IRAK3: variants seen among roughly 807,000 people sequenced by gnomAD.
IRAK3 encodes the protein interleukin-1 receptor-associated kinase 3.
In IRAK3, 57 loss-of-function variants were observed where a neutral mutation model predicts 56.6. The ratio of observed to expected loss-of-function variants is 1.01; its 90% CI spans 0.81 to 1.26. The LOEUF is 1.26. Among genes scored for constraint, IRAK3 ranks in the 50% most tolerant of loss-of-function variants. The pLI is 0.00. For missense variants in IRAK3, 703 were observed against 719.0 expected (o/e 0.98, Z 0.25); for synonymous variants, 258 against 255.7 (o/e 1.01, Z -0.09).
chr12:66,243,912 A>G (rs1377232459), intron 8 of IRAK3, among the ~76,000 whole-genome samples: 1 of 152,180 alleles, frequency 6.6e-6, no homozygotes, highest in Non-Finnish European at 1.5e-5. Flanking sequence ...GCTTATATTG[A>G]CTATAAGCAC....
intron 8 of IRAK3, among the ~76,000 whole-genome samples, chr12:66,229,775 C>A (rs1287505643): frequency 6.6e-6 from 1 of 152,148 alleles, no homozygotes; most frequent in African/African-American, 2.4e-5. Flanking sequence ...TAAAACAATC[C>A]CTCCTCCACT....
At chr12:66,206,884 T>C (rs942841237) in intron 2 of IRAK3, among the ~76,000 whole-genome samples, 1 of 152,236 alleles carries the variant, frequency 6.6e-6, no homozygotes, top group Non-Finnish European at 1.5e-5. Context: ...CTCAATCTCT[T>C]GTTATGAGTC....
At chr12:66,223,052 G>A (rs904142474) in intron 6 of IRAK3, among the ~76,000 whole-genome samples, 1 of 151,818 alleles carries the variant, frequency 6.6e-6, no homozygotes, top group African/African-American at 2.4e-5. Context: ...GTCACAAGGT[G>A]CTCAGTGGGG....
intron 2 of IRAK3, among the ~76,000 whole-genome samples, chr12:66,208,926 G>A (rs2052584853): frequency 6.6e-6 from 1 of 151,788 alleles, no homozygotes; most frequent in Non-Finnish European, 1.5e-5. Flanking sequence ...AATTAGCCAG[G>A]CATGCTGATA....
At chr12:66,219,246 A>C (rs980327333) in intron 6 of IRAK3, among the ~76,000 whole-genome samples, 6 of 152,028 alleles carry the variant, frequency 3.9e-5, no homozygotes, top group Non-Finnish European at 8.8e-5. Context: ...TCCCCACCCA[A>C]ATCTCATCCT....
chr12:66,234,131 T>G (rs1384484189), intron 8 of IRAK3: 12 of 1,614,106 alleles, frequency 7.4e-6, no homozygotes, highest in African/African-American at 2.7e-5. Flanking sequence ...GACAGCCACC[T>G]GCTGTTGACC....
At position 66,254,583 on chromosome 12, in the gene IRAK3, C is replaced by T. The variant is rs1205746750; in HGVS notation, c.*6412C>T. On this transcript the variant is annotated 3_prime_UTR_variant, in exon 12 of 12. Coordinates refer to ENST00000261233, the MANE Select transcript of IRAK3 (RefSeq NM_007199.3). ...GAAACTTTTTATAATGAACATATATCATTTTTATTAGAAAAGAATAAAGTT... is the reference window on the plus strand; with the variant it reads ...GAAACTTTTTATAATGAACATATATTATTTTTATTAGAAAAGAATAAAGTT... The T allele has an allele frequency of 1.3e-5, 2 of 150,448 alleles. No individual in the cohort carries two copies. Among genetic ancestry groups the T allele is most frequent in the African/African-American group, 4.9e-5 (2 of 40,994 alleles). The allele number at this position is 150,448 out of a possible 1,614,324, so 9.3% of individuals were successfully genotyped here.
intron 8 of IRAK3, chr12:66,234,474 G>A (rs1238947845): frequency 6.2e-7 from 1 of 1,611,370 alleles, no homozygotes; most frequent in East Asian, 2.2e-5. Context: ...ATACTGTATG[G>A]TGAAGGATAA....
chr12:66,202,871 A>G (rs1231870488), intron 1 of IRAK3, among the ~76,000 whole-genome samples: 6 of 152,024 alleles, frequency 3.9e-5, no homozygotes, highest in African/African-American at 1.4e-4. Context: ...CTATTGGACA[A>G]AGCTAGAATA....
rs562010178 is a variant in IRAK3 at position 66,207,145 on chromosome 12, A to G, written c.317-2311A>G. On this transcript the variant is annotated intron_variant, in intron 2 of 11. Coordinates refer to ENST00000261233, the MANE Select transcript of IRAK3 (RefSeq NM_007199.3). ...TTTTAATGATCTTTTCAAAAAAACA[A>G]TTTTGGTTCTATCGAGTTTTCTTTT... 3.3e-5 allele frequency among the ~76,000 whole-genome samples: 5 copies of G among 152,286 alleles called. No homozygotes were observed. The East Asian group carries it at 9.6e-4, about 29-fold the overall frequency.
At chr12:66,197,959 G>C (rs1244729328) in intron 1 of IRAK3, 2 of 985,308 alleles carry the variant, frequency 2.0e-6, no homozygotes, top group African/African-American at 3.5e-5. Flanking sequence ...AGTATGGAAT[G>C]AAAAGCTGAC....
At chr12:66,230,650 G>C (rs943387892) in intron 8 of IRAK3, among the ~76,000 whole-genome samples, 10 of 151,888 alleles carry the variant, frequency 6.6e-5, no homozygotes, top group African/African-American at 1.5e-4. Context: ...TGGAACCCAA[G>C]GAGGGAGCCA....
At chr12:66,196,788 T>A (rs1405051910) in intron 1 of IRAK3, 2 of 1,288,436 alleles carry the variant, frequency 1.6e-6, no homozygotes, top group Admixed American at 3.2e-5. Context: ...GAATTAAAAA[T>A]GTCTTTAACC....
At chr12:66,197,673 A>G (rs1182536543) in intron 1 of IRAK3, 2 of 985,228 alleles carry the variant, frequency 2.0e-6, no homozygotes, top group African/African-American at 3.5e-5. Context: ...ATTAGAAAAA[A>G]TGCCTTTGTC....
At chr12:66,239,353 G>A (rs1190798701) in intron 8 of IRAK3, among the ~76,000 whole-genome samples, 1 of 151,002 alleles carries the variant, frequency 6.6e-6, no homozygotes, top group African/African-American at 2.4e-5. Flanking sequence ...GAGTGAGTGA[G>A]TGCATGGGTA....
At position 66,217,186 on chromosome 12, in the gene IRAK3, T is replaced by C. The variant is rs2052685347; in HGVS notation, c.604T>C (p.Cys202Arg). The C allele has an allele frequency of 1.2e-6, 2 of 1,609,684 alleles. No individual in the cohort carries two copies. The highest frequency in any genetic ancestry group is 1.3e-5 in the African/African-American group (1 of 74,958). ...KLFKQEKKMQCKKHWKRFLSE... is the reference protein window; with the variant it reads ...KLFKQEKKMQRKKHWKRFLSE... ...GTATATGTAGGAGAAAAAAATGCAG[T>C]GTAAGAAGCATTGGAAGAGGTTTTT... is the stretch of plus-strand genomic sequence containing the variant. The change falls in exon 6 of 12, where the codon TGT becomes CGT. Residue 202 changes from cysteine to arginine, a missense_variant. Physicochemically the swap from Cys to Arg is radical, Grantham distance 180 (BLOSUM62 -3). Transcript: ENST00000261233.
chr12:66,211,079 T>C (rs1206529961), intron 4 of IRAK3, among the ~76,000 whole-genome samples: 1 of 152,252 alleles, frequency 6.6e-6, no homozygotes. Context: ...GTCATGTCCA[T>C]ATTTCCACTT....
At position 66,247,683 on chromosome 12, in the gene IRAK3, CT is replaced by C; in HGVS notation, c.1315-9del. 2 of 1,532,854 alleles carry C rather than the reference CT, an allele frequency of 1.3e-6. No individual in the cohort carries two copies. Among genetic ancestry groups the C allele is most frequent in the Non-Finnish European group, 1.8e-6 (2 of 1,106,026 alleles). The allele number at this position is 1,532,854 out of a possible 1,614,324, so 95.0% of individuals were successfully genotyped here. ...AACTTAATTTAATGTCTGTTTGCTTCTTTGTTATTAGGTTTTAAATACTCTT... is the reference window on the plus strand; with the variant it reads ...AACTTAATTTAATGTCTGTTTGCTTCTTGTTATTAGGTTTTAAATACTCTT... On this transcript the variant is annotated splice_polypyrimidine_tract_variant and intron_variant, in intron 11 of 11. Transcript: ENST00000261233.
chr12:66,244,399 A>T (rs754053491), intron 8 of IRAK3, 87 bp from the exon 9 acceptor site: 30 of 924,286 alleles, frequency 3.2e-5, no homozygotes, highest in Non-Finnish European at 4.1e-5. Context: ...TTAACCAGAT[A>T]TGAAGAAGGT....
Sources: allele counts gnomAD v4.1 joint callset (sites outside exome capture counted in the v4.1 genomes callset), GRCh38; gene constraint gnomAD v4.1.1; transcripts MANE v1.5; gene names NCBI Gene and HGNC (gene_info 2026-07-23, HGNC 2026-07-21).